The following CLCN1 variants were observed in gnomAD, a reference collection of about 807,000 sequenced individuals.
CLCN1 encodes chloride voltage-gated channel 1, also known as chloride channel protein 1.
Under a neutral mutation model 114.5 loss-of-function variants are expected in CLCN1, and 100 were observed. The ratio of observed to expected loss-of-function variants is 0.87; its 90% CI spans 0.74 to 1.03. The LOEUF (loss-of-function observed/expected upper bound fraction) is 1.03, where lower values mean the gene tolerates loss of function less well. Ranked by LOEUF, CLCN1 falls within the 50% of genes least tolerant of loss-of-function variation. CLCN1 has a pLI of 0.00. For missense variants in CLCN1, 1,188 were observed against 1,250.0 expected (o/e 0.95, Z 0.75); for synonymous variants, 485 against 487.1 (o/e 1.00, Z 0.06).
In CLCN1 at chr7:143,346,806, C is replaced by G; in HGVS notation, c.2365-105C>G. On this transcript the variant is annotated intron_variant, in intron 19 of 22. Transcript: ENST00000343257. The stretch of plus-strand genomic sequence containing the variant: ...GAAGGGATGATGAATGAAAAGGAGG[C>G]ATCGGTGGTCCTGGCCAGGGAGGGA... The G allele has an allele frequency of 3.3e-6, 4 of 1,214,688 alleles. No individual in the cohort carries two copies. In the South Asian group the frequency reaches 3.6e-5, roughly 11 times the overall value. The allele number at this position is 1,214,688 out of a possible 1,614,324, so 75.2% of individuals were successfully genotyped here.
At chr7:143,319,906 G>A (rs781557227) in intron 2 of CLCN1, 31 bp downstream of exon 2, 36 of 1,611,822 alleles carry the variant, frequency 2.2e-5, no homozygotes, top group Non-Finnish European at 2.9e-5. Context: ...AAGAAATCTG[G>A]AGTAGAAACA....
At chr7:143,319,644 A>G in intron 1 of CLCN1, 111 bp from the exon 2 acceptor site, 1 of 1,176,208 alleles carries the variant, frequency 8.5e-7, no homozygotes, top group South Asian at 1.2e-5. Context: ...GTCAACACCC[A>G]GAATTCAAAA....
chr7:143,323,829 G>A (rs1420423357), intron 6 of CLCN1: 2 of 474,350 alleles, frequency 4.2e-6, no homozygotes, highest in Admixed American at 4.7e-5. Flanking sequence ...ACCGTGCCTG[G>A]GCAGCTTGAC....
chr7:143,339,272 C>A lies in CLCN1; in HGVS notation c.1421C>A (p.Ala474Asp). ...CTCCAGTTCTGGATGTCCATCGTGGCCACCACTATGCCCATACCCTGCGGA... is the reference window on the plus strand; with the variant it reads ...CTCCAGTTCTGGATGTCCATCGTGGACACCACTATGCCCATACCCTGCGGA... ...FVMKFWMSIV[A>D]TTMPIPCGGF... The change falls in exon 13 of 23, where the codon GCC becomes GAC. Residue 474 changes from alanine to aspartate, a missense_variant. By Grantham distance (126) the Ala-to-Asp change is moderately radical. Coordinates refer to ENST00000343257, the MANE Select transcript of CLCN1 (RefSeq NM_000083.3). This position sits in a 1 kb window ranked among gnomAD's most constrained non-coding sequence, Gnocchi z 4.1. 1 of 1,612,040 alleles carries A rather than the reference C, an allele frequency of 6.2e-7. No individual in the cohort carries two copies. The highest frequency in any genetic ancestry group is 1.1e-5 in the South Asian group (1 of 91,040).
intron 12 of CLCN1, among the ~76,000 whole-genome samples, chr7:143,338,656 G>A (rs560491804): frequency 6.6e-6 from 1 of 152,170 alleles, no homozygotes; most frequent in East Asian, 1.9e-4. Flanking sequence ...GCATGGTGGC[G>A]TGCGCCTATA....
At chr7:143,325,605 AT>A (rs1802554489) in intron 7 of CLCN1, among the ~76,000 whole-genome samples, 1 of 152,220 alleles carries the variant, frequency 6.6e-6, no homozygotes. Context: ...TCACACTTAC[AT>A]TTATACCCAC....
intron 20 of CLCN1, among the ~76,000 whole-genome samples, chr7:143,348,698 T>C (rs1803317571): frequency 6.6e-6 from 1 of 152,172 alleles, no homozygotes; most frequent in African/African-American, 2.4e-5. Flanking sequence ...AAAGATTCAA[T>C]TATATGTTGC....
chr7:143,318,701 C>G (rs915538717), intron 1 of CLCN1, among the ~76,000 whole-genome samples: 3 of 152,192 alleles, frequency 2.0e-5, no homozygotes, highest in African/African-American at 7.2e-5. Flanking sequence ...CCTTCCTTGT[C>G]TCCACTGGCC....
intron 22 of CLCN1, 40 bp from the exon 23 acceptor site, chr7:143,351,554 C>T (rs781239845): frequency 1.9e-6 from 3 of 1,605,290 alleles, no homozygotes; most frequent in Non-Finnish European, 2.5e-6. Context: ...TTTTCTTTTT[C>T]CAACTTTTTA....
chr7:143,326,104 T>C (rs1204971870), intron 7 of CLCN1, among the ~76,000 whole-genome samples: 2 of 151,898 alleles, frequency 1.3e-5, no homozygotes, highest in African/African-American at 4.8e-5. Context: ...GCAACCTCTG[T>C]CTCCTGGGTT....
chr7:143,328,721 A>G (rs1802642076), intron 7 of CLCN1, among the ~76,000 whole-genome samples: 1 of 152,190 alleles, frequency 6.6e-6, no homozygotes, highest in African/African-American at 2.4e-5. Flanking sequence ...TTTAGGCCCC[A>G]GAGGCAGCTG....
intron 2 of CLCN1, among the ~76,000 whole-genome samples, 181 bp downstream of exon 2, chr7:143,320,056 A>G (rs191355218): frequency 7.4e-4 from 112 of 152,324 alleles, no homozygotes; most frequent in African/African-American, 2.6e-3. Context: ...TGGAGTGATC[A>G]TAGCTCACTG....
At chr7:143,317,846 T>G (rs1162506230) in intron 1 of CLCN1, among the ~76,000 whole-genome samples, 2 of 152,078 alleles carry the variant, frequency 1.3e-5, no homozygotes, top group Non-Finnish European at 2.9e-5. Context: ...CTGTGTGGGA[T>G]CAGCAGGAGG....
chr7:143,332,680 G>A, intron 11 of CLCN1, 44 bp from the exon 12 acceptor site: 2 of 1,611,210 alleles, frequency 1.2e-6, no homozygotes, highest in Admixed American at 1.7e-5. Flanking sequence ...GGAAGCACAG[G>A]AGTTCCCTGG....
chr7:143,342,174 C>T (rs753865546), intron 15 of CLCN1, 32 bp downstream of exon 15: 66 of 1,598,884 alleles, frequency 4.1e-5, no homozygotes, highest in Non-Finnish European at 5.3e-5. Flanking sequence ...TAGTTCAGAT[C>T]TGATGGGGAG....
At chr7:143,348,342 A>G (rs1325494427) in intron 20 of CLCN1, among the ~76,000 whole-genome samples, 2 of 152,256 alleles carry the variant, frequency 1.3e-5, no homozygotes, top group South Asian at 4.1e-4. Flanking sequence ...GCTAAAACCA[A>G]TAACAATAAG....
Position 143,321,636 on chromosome 7 carries a change from T to C in CLCN1, c.563-79T>C. 1.9e-6 allele frequency: 3 copies of C among 1,608,300 alleles called. No homozygotes were observed. Among genetic ancestry groups the C allele is most frequent in the Non-Finnish European group, 2.6e-6 (3 of 1,174,960 alleles). On this transcript the variant is annotated intron_variant, in intron 4 of 22. Coordinates refer to ENST00000343257, the MANE Select transcript of CLCN1 (RefSeq NM_000083.3). This position sits in a 1 kb window ranked among gnomAD's most constrained non-coding sequence, Gnocchi z 4.2. ...CACTGCCTCTTCAGCCCTCTCCAAT[T>C]CCCATTCCCATATTCTGGACATTCA...
chr7:143,342,027 G>A lies in CLCN1; in HGVS notation c.1681G>A (p.Val561Met), dbSNP rs1304963998. 1.2e-6 allele frequency: 2 copies of A among 1,614,022 alleles called. No individual in the cohort carries two copies. Among genetic ancestry groups the A allele is most frequent in the Non-Finnish European group, 1.7e-6 (2 of 1,180,026 alleles). The change falls in exon 15 of 23, where the codon GTG (valine) becomes ATG (methionine). Residue 561 changes from valine to methionine, a missense_variant. Transcript: ENST00000343257. ...GQIAHILPMMVAVILANMVAQ... is the reference protein window; with the variant it reads ...GQIAHILPMMMAVILANMVAQ... ...GATTGCTCACATCCTGCCCATGATG[G>A]TGGCTGTTATCTTGGCCAACATGGT...
chr7:143,329,475 G>T (rs1333402502), intron 7 of CLCN1, among the ~76,000 whole-genome samples: 1 of 152,184 alleles, frequency 6.6e-6, no homozygotes, highest in African/African-American at 2.4e-5. Context: ...AGCAGCTGCT[G>T]CATTTGGGAG....
Sources: gnomAD v4.1 joint callset for allele counts (sites outside exome capture counted in the v4.1 genomes callset) on GRCh38, gnomAD v4.1.1 for gene constraint, Gnocchi (gnomAD v3.1) non-coding constraint, MANE v1.5 for transcripts, NCBI Gene and HGNC (gene_info 2026-07-23, HGNC 2026-07-21) for gene names.